Variants in QKI observed in about 807,000 individuals in gnomAD.
The protein encoded by QKI is KH domain-containing RNA-binding protein QKI.
QKI carries 10 observed loss-of-function variants against 39.0 expected under a neutral mutation model. The observed-to-expected ratio is 0.26, with a 90% CI of 0.16 to 0.43. QKI has a LOEUF of 0.43. QKI is among the 20% of genes least tolerant of loss of function. The pLI is 1.00. For missense variants in QKI, 218 were observed against 428.0 expected (o/e 0.51, Z 4.33); for synonymous variants, 204 against 155.4 (o/e 1.31, Z -2.33).
chr6:163,418,138 A>G (rs1200350180), intron 1 of QKI, among the ~76,000 whole-genome samples: 1 of 151,264 alleles, frequency 6.6e-6, no homozygotes, highest in Non-Finnish European at 1.5e-5. Flanking sequence ...AATTACTTTT[A>G]AATTTAGATA....
At chr6:163,545,737 T>A (rs1781822430) in intron 4 of QKI, among the ~76,000 whole-genome samples, 1 of 152,036 alleles carries the variant, frequency 6.6e-6, no homozygotes, top group South Asian at 2.1e-4. Flanking sequence ...TTTGTTCAGG[T>A]TGACAAAAGG....
intron 3 of QKI, among the ~76,000 whole-genome samples, chr6:163,479,951 A>G (rs1319339627): frequency 3.3e-5 from 5 of 152,222 alleles, no homozygotes; most frequent in Non-Finnish European, 5.9e-5. Flanking sequence ...TATGAGATAC[A>G]CTTTGGGTTT....
chr6:163,550,987 C>A (rs1472742443), intron 4 of QKI, among the ~76,000 whole-genome samples: 1 of 150,112 alleles, frequency 6.7e-6, no homozygotes, highest in Non-Finnish European at 1.5e-5. Context: ...AGGACAGGGG[C>A]ATCGATCAAA....
intron 7 of QKI, 46 bp downstream of exon 7, chr6:163,566,841 G>T: frequency 6.3e-7 from 1 of 1,599,876 alleles, no homozygotes; most frequent in Non-Finnish European, 8.5e-7. Flanking sequence ...TGCGTTGGGT[G>T]TCCATAAAAT....
At chr6:163,434,409 A>G (rs934689176) in intron 1 of QKI, among the ~76,000 whole-genome samples, 2 of 152,198 alleles carry the variant, frequency 1.3e-5, no homozygotes, top group African/African-American at 4.8e-5. Context: ...TGAAAATAAG[A>G]TATTTTTGAA....
intron 1 of QKI, chr6:163,415,966 G>T (rs370685054): frequency 4.0e-6 from 2 of 501,158 alleles, no homozygotes; most frequent in African/African-American, 2.0e-5. Context: ...AGCCGACAAG[G>T]AGGACTAAGT....
intron 3 of QKI, among the ~76,000 whole-genome samples, chr6:163,528,073 A>T (rs1004760207): frequency 6.6e-6 from 1 of 152,142 alleles, no homozygotes; most frequent in Admixed American, 6.5e-5. Flanking sequence ...AGTTCTTGAC[A>T]TTATTCTGGA....
At chr6:163,438,342 A>T (rs1789471675) in intron 1 of QKI, among the ~76,000 whole-genome samples, 1 of 151,666 alleles carries the variant, frequency 6.6e-6, no homozygotes, top group Non-Finnish European at 1.5e-5. Flanking sequence ...CAGTACTATT[A>T]TTATTTTAAA....
chr6:163,437,834 T>G (rs1190996296), intron 1 of QKI, among the ~76,000 whole-genome samples: 6 of 152,170 alleles, frequency 3.9e-5, no homozygotes. Context: ...TTCCCTCAAA[T>G]TATTCATTTG....
At chr6:163,446,956 C>G (rs1790200631) in intron 1 of QKI, among the ~76,000 whole-genome samples, 1 of 152,104 alleles carries the variant, frequency 6.6e-6, no homozygotes, top group Non-Finnish European at 1.5e-5. Context: ...AAGAAAAGGG[C>G]TAAAAAGACT....
chr6:163,472,548 C>T (rs1032384137), intron 2 of QKI, among the ~76,000 whole-genome samples: 5 of 152,036 alleles, frequency 3.3e-5, no homozygotes, highest in East Asian at 1.9e-4. Flanking sequence ...AAGTAAAAGG[C>T]GAAACAGGTA....
chr6:163,556,036 CT>C (rs1782578844), intron 4 of QKI, among the ~76,000 whole-genome samples: 1 of 152,132 alleles, frequency 6.6e-6, no homozygotes, highest in Non-Finnish European at 1.5e-5. Context: ...ACTTTTGTGG[CT>C]TTGGATAAGC....
intron 2 of QKI, among the ~76,000 whole-genome samples, chr6:163,466,062 G>A (rs1791719036): frequency 6.6e-6 from 1 of 151,346 alleles, no homozygotes; most frequent in Admixed American, 6.6e-5. Flanking sequence ...GAGAGACGGA[G>A]GCTGCAGTGA....
chr6:163,557,348 C>A (rs1782694359), intron 4 of QKI, among the ~76,000 whole-genome samples: 1 of 152,032 alleles, frequency 6.6e-6, no homozygotes, highest in African/African-American at 2.4e-5. Context: ...TACTATTTAG[C>A]CATAAAAAAG....
intron 2 of QKI, among the ~76,000 whole-genome samples, chr6:163,477,467 A>G (rs1426980103): frequency 1.3e-5 from 2 of 152,120 alleles, no homozygotes; most frequent in Non-Finnish European, 2.9e-5. Context: ...TGAGTTTCTA[A>G]ATTGGAAGTA....
At chr6:163,466,708 A>G (rs1457189784) in intron 2 of QKI, among the ~76,000 whole-genome samples, 1 of 152,212 alleles carries the variant, frequency 6.6e-6, no homozygotes, top group Non-Finnish European at 1.5e-5. Context: ...CTTACACCGT[A>G]CATAAAAATT....
At position 163,528,438 on chromosome 6, in the gene QKI, G is replaced by GC. The variant is rs550232443; in HGVS notation, c.403-6543dup. On this transcript the variant is annotated intron_variant, in intron 3 of 7. Transcript: ENST00000361752. ...GGGTGCATGCTGTAAAGTTGCTCTG[G>GC]CTAGGTATGGTAGCTTGGTGGTACA... is the stretch of plus-strand genomic sequence containing the variant. Among the ~76,000 whole-genome samples, 355 of 152,188 alleles carry GC rather than the reference G, an allele frequency of 2.3e-3. 2 individuals are homozygous for GC. The highest frequency in any genetic ancestry group is 8.0e-3 in the African/African-American group (334 of 41,534).
chr6:163,479,917 TAGAA>T (rs562830888), intron 3 of QKI, among the ~76,000 whole-genome samples: 20 of 152,222 alleles, frequency 1.3e-4, no homozygotes, highest in Non-Finnish European at 2.6e-4. Context: ...AGAAATCTAT[TAGAA>T]GGAAGGCTAT....
intron 3 of QKI, among the ~76,000 whole-genome samples, chr6:163,485,846 A>G (rs1041977136): frequency 1.1e-3 from 166 of 152,342 alleles, no homozygotes; most frequent in African/African-American, 3.8e-3. Context: ...GGGGTGTCCA[A>G]TCTTTTGGCT....
Sources: allele counts gnomAD v4.1 joint callset (sites outside exome capture counted in the v4.1 genomes callset), GRCh38; gene constraint gnomAD v4.1.1; transcripts MANE v1.5; gene names NCBI Gene and HGNC (gene_info 2026-07-23, HGNC 2026-07-21).